Variants in REDIC1 observed in about 807,000 individuals in gnomAD.
REDIC1 encodes HEI10 Interacting Protein 1.
At chr12:39,736,281 C>T in the REDIC1 span, among the ~76,000 whole-genome samples, 2,283 of 152,292 alleles carry the variant, frequency 0.015, 25 homozygotes, top group Non-Finnish European at 0.027. Flanking sequence ...TTCTTTTCCT[C>T]CCTTTTCAAT....
At chr12:39,644,403 A>G in the REDIC1 span, among the ~76,000 whole-genome samples, 1 of 151,808 alleles carries the variant, frequency 6.6e-6, no homozygotes, top group Admixed American at 6.6e-5. Context: ...TGCAAAATAA[A>G]GTCCATTTTG....
the REDIC1 span, among the ~76,000 whole-genome samples, chr12:39,653,648 G>A: frequency 5.9e-3 from 883 of 149,116 alleles, 9 homozygotes; most frequent in African/African-American, 0.021. Context: ...AAAGGCCAGG[G>A]AGCAATTTTT....
the REDIC1 span, among the ~76,000 whole-genome samples, chr12:39,804,162 C>T: frequency 6.6e-6 from 1 of 151,774 alleles, no homozygotes; most frequent in Non-Finnish European, 1.5e-5. Flanking sequence ...GGAGACAAAC[C>T]CACATATACA....
chr12:39,657,820 T>G, the REDIC1 span, among the ~76,000 whole-genome samples: 1 of 152,128 alleles, frequency 6.6e-6, no homozygotes, highest in African/African-American at 2.4e-5. Context: ...GAATTATCTT[T>G]TAGTTTCACA....
the REDIC1 span, among the ~76,000 whole-genome samples, chr12:39,678,774 G>A: frequency 6.6e-6 from 1 of 151,918 alleles, no homozygotes; most frequent in Non-Finnish European, 1.5e-5. Flanking sequence ...TTCATACCAG[G>A]GATGCAGGGA....
chr12:39,662,896 G>A, the REDIC1 span, among the ~76,000 whole-genome samples: 1 of 152,012 alleles, frequency 6.6e-6, no homozygotes. Flanking sequence ...TATGGTTTTT[G>A]TCCTTCATTC....
At chr12:39,749,614 C>CAAA in the REDIC1 span, among the ~76,000 whole-genome samples, 2 of 150,706 alleles carry the variant, frequency 1.3e-5, no homozygotes, top group Non-Finnish European at 3.0e-5. Context: ...AGAGACACAA[C>CAAA]ATAAGAGAAT....
chr12:39,732,195 C>T, the REDIC1 span, among the ~76,000 whole-genome samples: 6 of 152,324 alleles, frequency 3.9e-5, no homozygotes, highest in South Asian at 1.2e-3. Context: ...AGATTCCCCT[C>T]CATCTCTTTC....
the REDIC1 span, among the ~76,000 whole-genome samples, chr12:39,691,199 A>T: frequency 6.6e-6 from 1 of 152,116 alleles, no homozygotes; most frequent in African/African-American, 2.4e-5. Context: ...CTATGACCAG[A>T]ACTTACGTAA....
the REDIC1 span, among the ~76,000 whole-genome samples, chr12:39,785,849 T>C: frequency 6.6e-6 from 1 of 152,190 alleles, no homozygotes; most frequent in Non-Finnish European, 1.5e-5. Context: ...GATTTTGGAC[T>C]TGCATGGGGC....
chr12:39,731,134 AC>A, the REDIC1 span, among the ~76,000 whole-genome samples: 1 of 152,024 alleles, frequency 6.6e-6, no homozygotes, highest in African/African-American at 2.4e-5. Flanking sequence ...GTTATTACCC[AC>A]CTTCTGAAGC....
chr12:39,667,355 G>GT, the REDIC1 span, among the ~76,000 whole-genome samples: 47 of 152,128 alleles, frequency 3.1e-4, no homozygotes, highest in Non-Finnish European at 4.3e-4. Context: ...AGGTTTTTCA[G>GT]TTTCCATGTA....
At chr12:39,704,907 C>A in the REDIC1 span, among the ~76,000 whole-genome samples, 1 of 151,886 alleles carries the variant, frequency 6.6e-6, no homozygotes, top group African/African-American at 2.4e-5. Context: ...GAACATCACA[C>A]TCTGGGGACT....
the REDIC1 span, among the ~76,000 whole-genome samples, chr12:39,750,457 A>C: frequency 1.1e-4 from 16 of 152,248 alleles, no homozygotes; most frequent in African/African-American, 3.9e-4. Flanking sequence ...GGATAGGAAG[A>C]ATCTATATTG....
At chr12:39,760,398 T>C in the REDIC1 span, 1 of 639,214 alleles carries the variant, frequency 1.6e-6, no homozygotes, top group Non-Finnish European at 2.7e-6. Context: ...ATGAACCTGG[T>C]TTACTCCAAT....
chr12:39,714,908 ATTGT>A, the REDIC1 span, among the ~76,000 whole-genome samples: 19 of 151,316 alleles, frequency 1.3e-4, no homozygotes, highest in South Asian at 6.3e-4. Flanking sequence ...TTTTGATGAG[ATTGT>A]TTGTTTTTTT....
chr12:39,724,282 G>C, the REDIC1 span, among the ~76,000 whole-genome samples: 1 of 152,102 alleles, frequency 6.6e-6, no homozygotes, highest in Non-Finnish European at 1.5e-5. Flanking sequence ...TATTGGTTGG[G>C]AACTGGTTAG....
the REDIC1 span, among the ~76,000 whole-genome samples, chr12:39,782,344 C>T: frequency 9.2e-5 from 14 of 152,052 alleles, no homozygotes; most frequent in African/African-American, 1.2e-4. Flanking sequence ...ATCATGGGGG[C>T]GGCCGGTCTT....
the REDIC1 span, among the ~76,000 whole-genome samples, chr12:39,641,230 C>T: frequency 2.0e-5 from 3 of 151,868 alleles, no homozygotes; most frequent in Non-Finnish European, 2.9e-5. Context: ...GACCACTTCT[C>T]ACTACCTGAG....
Sources: gnomAD v4.1 joint callset for allele counts (sites outside exome capture counted in the v4.1 genomes callset) on GRCh38, gnomAD v4.1.1 for gene constraint, MANE v1.5 for transcripts, NCBI Gene and HGNC (gene_info 2026-07-23, HGNC 2026-07-21) for gene names.